Variants in POLQ observed in about 807,000 individuals in gnomAD.
The protein encoded by POLQ is epididymis secretory sperm binding protein.
Under a neutral mutation model 259.2 loss-of-function variants are expected in POLQ, and 233 were observed. The observed-to-expected ratio is 0.90, with a 90% CI of 0.81 to 1.00. POLQ has a LOEUF of 1.00. POLQ is among the 50% of genes least tolerant of loss of function. The pLI, the probability that POLQ is intolerant of heterozygous loss-of-function variation, is 0.00. For missense variants in POLQ, 2,871 were observed against 3,051.6 expected (o/e 0.94, Z 1.39); for synonymous variants, 1,025 against 1,048.8 (o/e 0.98, Z 0.44).
intron 25 of POLQ, among the ~76,000 whole-genome samples, chr3:121,458,547 T>A (rs892002417): frequency 1.3e-5 from 2 of 152,176 alleles, no homozygotes; most frequent in African/African-American, 4.8e-5. Context: ...GTGATAGTAA[T>A]AATAATAGCT....
chr3:121,478,485 C>T (rs6778684), intron 19 of POLQ, among the ~76,000 whole-genome samples: 88,642 of 143,140 alleles, frequency 0.62, 27,166 homozygotes, highest in East Asian at 0.89. Context: ...TGACTAGAAA[C>T]AAAGTAAAAT....
intron 26 of POLQ, among the ~76,000 whole-genome samples, chr3:121,446,689 C>T (rs958315580): frequency 3.9e-5 from 6 of 152,078 alleles, no homozygotes; most frequent in African/African-American, 1.2e-4. Flanking sequence ...ATGTAAAAGA[C>T]ATTATATAAT....
At chr3:121,476,059 T>C (rs6784324) in intron 20 of POLQ, among the ~76,000 whole-genome samples, 105,123 of 152,062 alleles carry the variant, frequency 0.69, 36,527 homozygotes, top group East Asian at 0.89. Context: ...CATGTTCTCA[T>C]TTATAAGTGG....
At chr3:121,453,550 C>G (rs1484412624) in intron 25 of POLQ, among the ~76,000 whole-genome samples, 2 of 152,226 alleles carry the variant, frequency 1.3e-5, no homozygotes, top group East Asian at 1.9e-4. Context: ...CTTAAAGGAG[C>G]TGATGGAGCT....
chr3:121,472,302 T>C (rs924923996), intron 21 of POLQ, 138 bp from the exon 22 acceptor site: 5 of 456,728 alleles, frequency 1.1e-5, no homozygotes, highest in Middle Eastern at 5.9e-4. Context: ...ACTTGGAGTT[T>C]TTTAAACCAC....
chr3:121,474,500 TG>T (rs1370775444), intron 20 of POLQ, among the ~76,000 whole-genome samples: 1 of 152,198 alleles, frequency 6.6e-6, no homozygotes. Flanking sequence ...ATACTTTGAG[TG>T]GGTTTTAATG....
At chr3:121,502,406 G>T (rs1316447076) in intron 12 of POLQ, among the ~76,000 whole-genome samples, 1 of 152,124 alleles carries the variant, frequency 6.6e-6, no homozygotes, top group Non-Finnish European at 1.5e-5. Context: ...GCCTCACCAT[G>T]ATGACCAGGC....
intron 26 of POLQ, among the ~76,000 whole-genome samples, chr3:121,443,806 A>G (rs1383675389): frequency 1.3e-5 from 2 of 152,108 alleles, no homozygotes; most frequent in East Asian, 3.9e-4. Flanking sequence ...ATTCTTCTGC[A>G]TATTCAGTTG....
At position 121,519,771 on chromosome 3, in the gene POLQ, A is replaced by G. The variant is rs2048324945; in HGVS notation, c.1468+100T>C. 5.5e-6 allele frequency: 4 copies of G among 733,938 alleles called. No individual in the cohort carries two copies. In the Admixed American group the frequency reaches 7.8e-5, roughly 14 times the overall value. 45.5% of individuals were successfully genotyped at this position (733,938 alleles called of 1,614,324 possible). On this transcript the variant is annotated intron_variant, in intron 9 of 29. Coordinates refer to ENST00000264233, the MANE Select transcript of POLQ (RefSeq NM_199420.4). ...ACACTAGTGCATTGGATAATAAAGA[A>G]ATACAGCATGATGAGAAACAGGTTG...
At position 121,520,086 on chromosome 3, in the gene POLQ, A is replaced by G; in HGVS notation, c.1256-3T>C. 1 of 1,577,790 alleles carries G rather than the reference A, an allele frequency of 6.3e-7. No individual in the cohort carries two copies. Among genetic ancestry groups the G allele is most frequent in the Non-Finnish European group, 8.7e-7 (1 of 1,149,326 alleles). On this transcript the variant is annotated splice_polypyrimidine_tract_variant and splice_region_variant and intron_variant, in intron 8 of 29. Coordinates refer to ENST00000264233, the MANE Select transcript of POLQ (RefSeq NM_199420.4). ...ATCCCTCTCCTCAAAAGTAAGACCT[A>G]AAAAAAGGAGGTTTTTATATATTTA...
chr3:121,527,107 G>A (rs989511671), intron 7 of POLQ, among the ~76,000 whole-genome samples: 2 of 152,012 alleles, frequency 1.3e-5, no homozygotes, highest in African/African-American at 4.8e-5. Context: ...ATCGCCCAGG[G>A]TGGAGTGCGG....
At chr3:121,433,832 C>T (rs537369355) in intron 28 of POLQ, among the ~76,000 whole-genome samples, 4 of 152,270 alleles carry the variant, frequency 2.6e-5, no homozygotes, top group African/African-American at 9.6e-5. Flanking sequence ...TCCAAATTCC[C>T]TACTTATCTT....
chr3:121,490,186 C>T lies in POLQ; in HGVS notation c.2745G>A (p.Glu915=). 6.2e-7 allele frequency: 1 copy of T among 1,613,306 alleles called. No homozygotes were observed. Among genetic ancestry groups the T allele is most frequent in the Non-Finnish European group, 8.5e-7 (1 of 1,179,582 alleles). Residue 915 remains glutamate, a synonymous_variant, in exon 16 of 30, where the codon GAG becomes GAA. Coordinates refer to ENST00000264233, the MANE Select transcript of POLQ (RefSeq NM_199420.4). Reference sequence around the variant, plus strand: ...TAAATGTGTGTTCCTTTACTTCGGACTCACTATGAGTCAATGAGCATGTAC... The same window carrying T: ...TAAATGTGTGTTCCTTTACTTCGGATTCACTATGAGTCAATGAGCATGTAC... ...HSSTCSLTHS[E]SEVKEHTFIS...
At chr3:121,497,197 GA>G (rs1213798686) in intron 13 of POLQ, among the ~76,000 whole-genome samples, 1 of 152,102 alleles carries the variant, frequency 6.6e-6, no homozygotes, top group Non-Finnish European at 1.5e-5. Context: ...CTGCTAACAA[GA>G]AATGAGACTT....
chr3:121,475,498 C>A (rs2047918310), intron 20 of POLQ, among the ~76,000 whole-genome samples: 1 of 152,006 alleles, frequency 6.6e-6, no homozygotes, highest in South Asian at 2.1e-4. Context: ...AACCAAGCAA[C>A]TGGATAGGAA....
rs2048489110 is a variant in POLQ, at chr3:121,541,447, C to G, written c.376G>C (p.Glu126Gln). ...PTSAGKTLVA[E>Q]LLILKRVLEM... ...AAAACCCGCTTCAAAATAAGTAATT[C>G]TGCCACAAGAGTCTTCCCAGCACTT... The change falls in exon 3 of 30, where the codon GAA becomes CAA. Residue 126 changes from glutamate to glutamine, a missense_variant. Coordinates refer to ENST00000264233, the MANE Select transcript of POLQ (RefSeq NM_199420.4). 6.2e-7 allele frequency: 1 copy of G among 1,610,918 alleles called. No individual in the cohort carries two copies. The highest frequency in any genetic ancestry group is 1.1e-5 in the South Asian group (1 of 90,460).
chr3:121,503,068 T>C (rs2048184660), intron 12 of POLQ, among the ~76,000 whole-genome samples: 1 of 152,220 alleles, frequency 6.6e-6, no homozygotes, highest in South Asian at 2.1e-4. Flanking sequence ...AAGATTATAA[T>C]GGAGCTGAAA....
intron 17 of POLQ, among the ~76,000 whole-genome samples, chr3:121,484,452 C>A (rs1233355051): frequency 6.6e-6 from 1 of 152,182 alleles, no homozygotes; most frequent in East Asian, 1.9e-4. Context: ...CTAAAGGTGG[C>A]AAGAGAGTCC....
chr3:121,530,819 G>A lies in POLQ; in HGVS notation c.961-1027C>T, dbSNP rs2048405883. 1.3e-5 allele frequency among the ~76,000 whole-genome samples: 2 copies of A among 152,174 alleles called. 1 individual carries two copies. The highest frequency in any genetic ancestry group is 4.1e-4 in the South Asian group (2 of 4,832). On this transcript the variant is annotated intron_variant, in intron 6 of 29. Transcript: ENST00000264233. The stretch of plus-strand genomic sequence containing the variant: ...TGTTCTAGGTACTGGGGATGGAGCT[G>A]CGAACAAAGCAGAAAAAAAGCTCTA...
Sources: gnomAD v4.1 joint callset for allele counts (sites outside exome capture counted in the v4.1 genomes callset) on GRCh38, gnomAD v4.1.1 for gene constraint, MANE v1.5 for transcripts, NCBI Gene and HGNC (gene_info 2026-07-23, HGNC 2026-07-21) for gene names.